PDE1A: variants seen among roughly 807,000 people sequenced by gnomAD.
PDE1A encodes phosphodiesterase 1A.
In PDE1A, 35 loss-of-function variants were observed where a neutral mutation model predicts 61.7. The observed-to-expected ratio is 0.57, with a 90% CI of 0.43 to 0.75. The LOEUF (loss-of-function observed/expected upper bound fraction) is 0.75, where lower values mean the gene tolerates loss of function less well. PDE1A is among the 30% of genes least tolerant of loss of function. PDE1A has a pLI of 0.00. For missense variants in PDE1A, 597 were observed against 630.6 expected (o/e 0.95, Z 0.57); for synonymous variants, 232 against 213.2 (o/e 1.09, Z -0.77).
At chr2:182,265,311 A>G (rs1457860914) in intron 1 of PDE1A, among the ~76,000 whole-genome samples, 2 of 152,124 alleles carry the variant, frequency 1.3e-5, no homozygotes, top group African/African-American at 4.8e-5. Context: ...AAAATAAACA[A>G]AAAAACAAAG....
At chr2:182,364,316 T>G (rs1699686700) in intron 1 of PDE1A, among the ~76,000 whole-genome samples, 1 of 151,666 alleles carries the variant, frequency 6.6e-6, no homozygotes, top group Admixed American at 6.6e-5. Context: ...ATCCCATGTG[T>G]GTTAATTTCA....
chr2:182,309,346 C>T (rs1282738873), intron 1 of PDE1A, among the ~76,000 whole-genome samples: 2 of 152,020 alleles, frequency 1.3e-5, no homozygotes, highest in Admixed American at 1.3e-4. Context: ...CCTTATAATT[C>T]TACAATCATG....
chr2:182,652,702 AG>A, the PDE1A span, among the ~76,000 whole-genome samples: 1 of 152,172 alleles, frequency 6.6e-6, no homozygotes, highest in Non-Finnish European at 1.5e-5. Flanking sequence ...CTCTTCAAAA[AG>A]CTTCATATAC....
chr2:182,711,499 A>G, the PDE1A span, among the ~76,000 whole-genome samples: 1 of 152,170 alleles, frequency 6.6e-6, no homozygotes, highest in Admixed American at 6.5e-5. Context: ...ATGTATATAC[A>G]TATACATATA....
chr2:182,323,746 C>T (rs1696856409), intron 1 of PDE1A, among the ~76,000 whole-genome samples: 2 of 152,174 alleles, frequency 1.3e-5, no homozygotes, highest in African/African-American at 2.4e-5. Context: ...AGGATAGTAA[C>T]GCAAGTATTA....
the PDE1A span, among the ~76,000 whole-genome samples, chr2:182,564,879 C>A: frequency 6.6e-6 from 1 of 152,254 alleles, no homozygotes; most frequent in East Asian, 1.9e-4. Context: ...TCACGTAGTT[C>A]TCGAGCCTTG....
At chr2:182,649,435 G>A in the PDE1A span, among the ~76,000 whole-genome samples, 2 of 151,956 alleles carry the variant, frequency 1.3e-5, no homozygotes, top group East Asian at 3.9e-4. Flanking sequence ...TTTTTTCAGG[G>A]GGCAGGTAAA....
chr2:182,288,460 G>A (rs1421853716), intron 1 of PDE1A, among the ~76,000 whole-genome samples: 1 of 151,982 alleles, frequency 6.6e-6, no homozygotes, highest in African/African-American at 2.4e-5. Flanking sequence ...TTTTCATAAG[G>A]CATACTTTTA....
At chr2:182,604,360 G>A in the PDE1A span, among the ~76,000 whole-genome samples, 1 of 152,026 alleles carries the variant, frequency 6.6e-6, no homozygotes, top group African/African-American at 2.4e-5. Flanking sequence ...CATTTCAAGA[G>A]GAAATTTGCT....
At chr2:182,375,976 C>T (rs1013530326) in intron 1 of PDE1A, among the ~76,000 whole-genome samples, 12 of 152,220 alleles carry the variant, frequency 7.9e-5, no homozygotes, top group African/African-American at 1.2e-4. Flanking sequence ...GACTAGGACA[C>T]AAGGCACCAA....
chr2:182,246,006 C>T (rs1027695030), intron 2 of PDE1A, among the ~76,000 whole-genome samples: 1 of 152,210 alleles, frequency 6.6e-6, no homozygotes, highest in Non-Finnish European at 1.5e-5. Flanking sequence ...TAACTGGCCT[C>T]CCCCTCTTGC....
chr2:182,511,003 G>T (rs66557124), intron 2 of PDE1A, among the ~76,000 whole-genome samples: 10,021 of 152,092 alleles, frequency 0.066, 354 homozygotes, highest in Middle Eastern at 0.1. Context: ...ATAGAATTGT[G>T]TTTCTGCATT....
exon 7 of PDE1A, chr2:182,223,868 T>A (rs766041709): frequency 1.3e-6 from 2 of 1,566,286 alleles, no homozygotes; most frequent in Non-Finnish European, 1.7e-6. Flanking sequence ...ACTTACCTTG[T>A]CTGAATGTGA....
intron 1 of PDE1A, among the ~76,000 whole-genome samples, chr2:182,387,035 A>G (rs555202493): frequency 6.6e-6 from 1 of 152,376 alleles, no homozygotes; most frequent in African/African-American, 2.4e-5. Context: ...CTGTGTGGAA[A>G]GAAGTAGACA....
the PDE1A span, among the ~76,000 whole-genome samples, chr2:182,654,138 G>A: frequency 1.3e-5 from 2 of 152,180 alleles, no homozygotes; most frequent in African/African-American, 2.4e-5. Context: ...GATTGATAGA[G>A]ATTGAAAACT....
intron 2 of PDE1A, among the ~76,000 whole-genome samples, chr2:182,503,629 T>C (rs749748439): frequency 6.6e-6 from 1 of 152,160 alleles, no homozygotes; most frequent in Non-Finnish European, 1.5e-5. Context: ...GGCCTTGGTG[T>C]CACTCACTAT....
chr2:182,600,924 T>C, the PDE1A span, among the ~76,000 whole-genome samples: 1 of 152,200 alleles, frequency 6.6e-6, no homozygotes, highest in Non-Finnish European at 1.5e-5. Flanking sequence ...TAAGAACATG[T>C]CTCCTGCTAC....
At chr2:182,701,915 TAACAC>T in the PDE1A span, among the ~76,000 whole-genome samples, 1 of 152,188 alleles carries the variant, frequency 6.6e-6, no homozygotes, top group African/African-American at 2.4e-5. Context: ...CCTTTAATGT[TAACAC>T]TCATTTAAAG....
chr2:182,324,769 T>A (rs1696936316), intron 1 of PDE1A, among the ~76,000 whole-genome samples: 1 of 152,194 alleles, frequency 6.6e-6, no homozygotes, highest in Non-Finnish European at 1.5e-5. Flanking sequence ...CCTTCCATCC[T>A]CCATTCACTG....
Sources: gnomAD v4.1 joint callset for allele counts (sites outside exome capture counted in the v4.1 genomes callset) on GRCh38, gnomAD v4.1.1 for gene constraint, MANE v1.5 for transcripts, NCBI Gene and HGNC (gene_info 2026-07-23, HGNC 2026-07-21) for gene names.